The following POC1B variants were observed in gnomAD, a reference collection of about 807,000 sequenced individuals.
POC1B encodes POC1 centriolar protein homolog B.
POC1B carries 44 observed loss-of-function variants against 60.6 expected under a neutral mutation model. That is an observed-to-expected ratio of 0.73 (90% CI 0.57 to 0.93). POC1B has a LOEUF of 0.93. Among genes scored for constraint, POC1B ranks in the 40% least tolerant of loss-of-function variants. POC1B has a pLI of 0.00. For missense variants in POC1B, 555 were observed against 572.3 expected (o/e 0.97, Z 0.31); for synonymous variants, 180 against 198.9 (o/e 0.90, Z 0.80).
intron 10 of POC1B, among the ~76,000 whole-genome samples, chr12:89,430,152 C>T (rs1400744395): frequency 1.3e-5 from 2 of 152,098 alleles, no homozygotes; most frequent in South Asian, 2.1e-4. Flanking sequence ...GCTGAGAAAT[C>T]CTTATCTATA....
At chr12:89,500,092 C>A (rs1018692142) in intron 2 of POC1B, 2 of 1,405,394 alleles carry the variant, frequency 1.4e-6, no homozygotes, top group Non-Finnish European at 2.0e-6. Flanking sequence ...GGGGCCGGAA[C>A]ATGGCTGTGT....
intron 2 of POC1B, among the ~76,000 whole-genome samples, chr12:89,498,621 G>A (rs1869378915): frequency 6.6e-6 from 1 of 152,082 alleles, no homozygotes; most frequent in African/African-American, 2.4e-5. Flanking sequence ...TTAAAAGTGA[G>A]TTCAGCTACA....
intron 2 of POC1B, among the ~76,000 whole-genome samples, chr12:89,517,240 A>C (rs1870484434): frequency 6.6e-6 from 1 of 152,140 alleles, no homozygotes; most frequent in South Asian, 2.1e-4. Flanking sequence ...TTACCTAGCT[A>C]ACTTCTCCTT....
At chr12:89,522,206 T>C (rs1026965871) in intron 2 of POC1B, 3 of 398,564 alleles carry the variant, frequency 7.5e-6, no homozygotes, top group Non-Finnish European at 1.3e-5. Context: ...TATGTCTGCA[T>C]GTTAAAAAGG....
intron 4 of POC1B, among the ~76,000 whole-genome samples, chr12:89,488,136 G>T (rs188495522): frequency 7.0e-4 from 102 of 146,594 alleles, no homozygotes; most frequent in African/African-American, 2.5e-3. Flanking sequence ...TTTGATAAAA[G>T]ACTTATATAT....
At chr12:89,455,218 C>T (rs903561682) in intron 10 of POC1B, among the ~76,000 whole-genome samples, 12 of 152,086 alleles carry the variant, frequency 7.9e-5, no homozygotes, top group South Asian at 4.2e-4. Context: ...GCCTGTAATC[C>T]GAGCTACTCA....
intron 2 of POC1B, among the ~76,000 whole-genome samples, chr12:89,497,616 C>T (rs984267478): frequency 6.6e-6 from 1 of 152,124 alleles, no homozygotes; most frequent in Non-Finnish European, 1.5e-5. Context: ...ACTAGAAGGC[C>T]GCAGCACAGT....
intron 10 of POC1B, among the ~76,000 whole-genome samples, chr12:89,437,005 G>T (rs532248419): frequency 6.6e-6 from 1 of 152,072 alleles, no homozygotes; most frequent in African/African-American, 2.4e-5. Flanking sequence ...AAATTTGAGA[G>T]ATATTCTTGA....
At chr12:89,470,628 A>G (rs1415079307) in intron 6 of POC1B, 134 bp from the exon 7 acceptor site, 3 of 591,614 alleles carry the variant, frequency 5.1e-6, no homozygotes, top group Non-Finnish European at 7.7e-6. Flanking sequence ...ATGGCTCACT[A>G]AAACGAGTAT....
intron 2 of POC1B, chr12:89,501,716 G>A (rs540393921): frequency 1.4e-5 from 13 of 941,194 alleles, no homozygotes; most frequent in Non-Finnish European, 2.1e-5. Flanking sequence ...TCAGAGGAGA[G>A]TCCTGTTTAT....
At chr12:89,510,479 T>C (rs1245702896) in intron 2 of POC1B, among the ~76,000 whole-genome samples, 1 of 152,214 alleles carries the variant, frequency 6.6e-6, no homozygotes, top group African/African-American at 2.4e-5. Context: ...CTGCACATCC[T>C]GAGCTCAGCC....
At chr12:89,463,665 C>G (rs1882564989) in intron 9 of POC1B, among the ~76,000 whole-genome samples, 1 of 152,144 alleles carries the variant, frequency 6.6e-6, no homozygotes, top group Non-Finnish European at 1.5e-5. Flanking sequence ...GCCAGGAGTA[C>G]TACGAAGGAT....
At chr12:89,472,436 A>T (rs1408593011) in intron 4 of POC1B, 161 bp from the exon 5 acceptor site, 3 of 555,684 alleles carry the variant, frequency 5.4e-6, no homozygotes, top group Non-Finnish European at 9.4e-6. Flanking sequence ...GATCTTCATC[A>T]TGACAAACAA....
chr12:89,513,961 G>A (rs963712814), intron 2 of POC1B, among the ~76,000 whole-genome samples: 12 of 152,146 alleles, frequency 7.9e-5, no homozygotes. Flanking sequence ...CCATAAAAAG[G>A]GATGACAACA....
chr12:89,507,266 CAAAA>C (rs34750133), intron 2 of POC1B, among the ~76,000 whole-genome samples: 5 of 64,054 alleles, frequency 7.8e-5, no homozygotes, highest in African/African-American at 3.6e-4. Flanking sequence ...GGCCCTGTCT[CAAAA>C]AAAAAAAAAA....
intron 10 of POC1B, among the ~76,000 whole-genome samples, chr12:89,458,677 T>C (rs1377259915): frequency 6.6e-6 from 1 of 152,228 alleles, no homozygotes; most frequent in African/African-American, 2.4e-5. Flanking sequence ...TCTTGAGATC[T>C]ATTAGAGAAT....
intron 10 of POC1B, among the ~76,000 whole-genome samples, chr12:89,440,974 A>G (rs549227146): frequency 6.6e-6 from 1 of 152,368 alleles, no homozygotes; most frequent in South Asian, 2.1e-4. Context: ...TATATCCTGC[A>G]CATGGCTTGG....
At chr12:89,523,822 C>T (rs1565765420) in intron 2 of POC1B, 1 of 1,541,366 alleles carries the variant, frequency 6.5e-7, no homozygotes, top group Non-Finnish European at 8.7e-7. Context: ...TCTCCCAATC[C>T]TTTCCAAAAG....
At chr12:89,438,328 G>A (rs1230984050) in intron 10 of POC1B, among the ~76,000 whole-genome samples, 1 of 151,776 alleles carries the variant, frequency 6.6e-6, no homozygotes, top group Non-Finnish European at 1.5e-5. Flanking sequence ...GCGGTGGCGG[G>A]CACCTGTAGT....
Sources: allele counts gnomAD v4.1 joint callset (sites outside exome capture counted in the v4.1 genomes callset), GRCh38; gene constraint gnomAD v4.1.1; transcripts MANE v1.5; gene names NCBI Gene and HGNC (gene_info 2026-07-23, HGNC 2026-07-21).